The following PKHD1L1 variants were observed in gnomAD, a reference collection of about 807,000 sequenced individuals.
The protein encoded by PKHD1L1 is fibrocystin-L.
Under a neutral mutation model 462.9 loss-of-function variants are expected in PKHD1L1, and 434 were observed. The observed-to-expected ratio is 0.94, with a 90% confidence interval of 0.87 to 1.02. The LOEUF is 1.02. Ranked by LOEUF, PKHD1L1 falls within the 50% of genes least tolerant of loss-of-function variation. The pLI is 0.00. For missense variants in PKHD1L1, 5,202 were observed against 5,096.1 expected (o/e 1.02, Z -0.63); for synonymous variants, 1,781 against 1,750.0 (o/e 1.02, Z -0.44).
chr8:109,414,627 T>C (rs1454694899), intron 21 of PKHD1L1, among the ~76,000 whole-genome samples: 1 of 152,126 alleles, frequency 6.6e-6, no homozygotes, highest in Non-Finnish European at 1.5e-5. Context: ...TATTCTATTA[T>C]AATAAGACAT....
intron 5 of PKHD1L1, among the ~76,000 whole-genome samples, chr8:109,385,098 T>C (rs1812367216): frequency 6.6e-6 from 1 of 151,836 alleles, no homozygotes; most frequent in African/African-American, 2.4e-5. Flanking sequence ...CATTTTTAAA[T>C]AGCATTTAAA....
chr8:109,408,213 T>C lies in PKHD1L1; in HGVS notation c.1971+7T>C. ...ATGGTCATCAGAAGCTGAAGTACGG[T>C]GTAGGAATGTTTCTACCACGCATTT... On this transcript the variant is annotated splice_region_variant and intron_variant, in intron 18 of 77. Coordinates refer to ENST00000378402, the MANE Select transcript of PKHD1L1 (RefSeq NM_177531.6). 6.2e-7 allele frequency: 1 copy of C among 1,607,344 alleles called. No individual in the cohort carries two copies. Among genetic ancestry groups the C allele is most frequent in the Admixed American group, 1.7e-5 (1 of 59,498 alleles).
Position 109,428,834 on chromosome 8 carries a change from C to A in PKHD1L1, c.3001-506C>A, listed in dbSNP as rs1234980257. Among the ~76,000 whole-genome samples the A allele has an allele frequency of 2.0e-5, 3 of 152,234 alleles. No homozygotes were observed. The East Asian group carries it at 5.8e-4, about 29-fold the overall frequency. On this transcript the variant is annotated intron_variant, in intron 25 of 77. Coordinates refer to ENST00000378402, the MANE Select transcript of PKHD1L1 (RefSeq NM_177531.6). ...TTTTGTAAAGAACAAATTGTATATACTGATTTAACTTGGCTTTATTTTTAC... is the reference window on the plus strand; with the variant it reads ...TTTTGTAAAGAACAAATTGTATATAATGATTTAACTTGGCTTTATTTTTAC...
At chr8:109,449,241 C>G (rs1816344190) in intron 39 of PKHD1L1, 97 bp from the exon 40 acceptor site, 1 of 1,221,476 alleles carries the variant, frequency 8.2e-7, no homozygotes, top group Middle Eastern at 2.2e-4. Context: ...TTTAATGTAA[C>G]TTACTTTTAA....
intron 2 of PKHD1L1, among the ~76,000 whole-genome samples, chr8:109,379,149 G>A (rs1274907660): frequency 6.6e-6 from 1 of 152,112 alleles, no homozygotes; most frequent in African/African-American, 2.4e-5. Flanking sequence ...GACCAACACT[G>A]AGCTCTCAAT....
intron 71 of PKHD1L1, among the ~76,000 whole-genome samples, chr8:109,512,924 T>C (rs1207352134): frequency 2.0e-5 from 3 of 152,070 alleles, no homozygotes; most frequent in African/African-American, 4.8e-5. Context: ...CCCTTGTAAG[T>C]TGGATTCCTA....
intron 59 of PKHD1L1, among the ~76,000 whole-genome samples, chr8:109,487,951 A>G (rs1461027005): frequency 6.6e-6 from 1 of 151,724 alleles, no homozygotes; most frequent in Non-Finnish European, 1.5e-5. Flanking sequence ...GAAAGAAGGA[A>G]GGAAGGAAGG....
chr8:109,485,845 G>A (rs1159355065), intron 58 of PKHD1L1, among the ~76,000 whole-genome samples: 1 of 151,844 alleles, frequency 6.6e-6, no homozygotes, highest in Non-Finnish European at 1.5e-5. Context: ...TCTCAAAGCA[G>A]TACTTTAATA....
intron 50 of PKHD1L1, 85 bp from the exon 51 acceptor site, chr8:109,475,033 A>G: frequency 1.5e-6 from 2 of 1,311,106 alleles, no homozygotes; most frequent in East Asian, 4.9e-5. Context: ...ACCAAACTAA[A>G]CTAACTTTTG....
At chr8:109,487,916 GGAAGGAAGGAAGGAAGGAAGGAAGGAAA>G (rs1818628348) in intron 59 of PKHD1L1, among the ~76,000 whole-genome samples, 2 of 148,612 alleles carry the variant, frequency 1.3e-5, no homozygotes, top group Non-Finnish European at 3.0e-5. Context: ...AAGGAAGGAA[GGAAGGAAGGAAGGAAGGAAGGAAGGAAA>G]GAAGGAAGGA....
rs188494605 is a variant in PKHD1L1 at position 109,466,863 on chromosome 8, C to T, written c.8605+94C>T. The T allele has an allele frequency of 1.5e-3, 1,753 of 1,164,680 alleles. 6 individuals carry two copies. Among genetic ancestry groups the T allele is most frequent in the Non-Finnish European group, 1.9e-3 (1,588 of 833,210 alleles). 72.1% of individuals were successfully genotyped at this position (1,164,680 alleles called of 1,614,324 possible). On this transcript the variant is annotated intron_variant, in intron 50 of 77. Transcript: ENST00000378402. ...TTGCATTGTTACTTGGTTGTTCAAA[C>T]ATTGCAAAAAGTATAACATTTATAT...
chr8:109,451,210 C>T, intron 41 of PKHD1L1, 61 bp downstream of exon 41: 2 of 1,491,460 alleles, frequency 1.3e-6, no homozygotes, highest in Non-Finnish European at 1.8e-6. Context: ...ATTACTCCTG[C>T]TTTCTCCTAT....
chr8:109,518,342 T>A lies in PKHD1L1; in HGVS notation c.11865T>A (p.Ser3955=), dbSNP rs1820378069. The change falls in exon 73 of 78, where the codon TCT becomes TCA. Residue 3955 remains serine, a synonymous_variant. Transcript: ENST00000378402. The part of the protein sequence containing the change: ...SVATEDDFYT[S]HNLVKNLALF... Reference sequence around the variant, plus strand: ...CAACAGAAGATGACTTTTATACCTCTCACAATCTGGTTAAAAATCTTGCCT... The same window carrying A: ...CAACAGAAGATGACTTTTATACCTCACACAATCTGGTTAAAAATCTTGCCT... 6.2e-7 allele frequency: 1 copy of A among 1,613,362 alleles called. No homozygotes were observed. Among genetic ancestry groups the A allele is most frequent in the African/African-American group, 1.3e-5 (1 of 74,898 alleles).
intron 65 of PKHD1L1, 23 bp downstream of exon 65, chr8:109,497,295 C>T (rs749151770): frequency 1.9e-6 from 3 of 1,602,518 alleles, no homozygotes; most frequent in Non-Finnish European, 2.6e-6. Context: ...TACAGCCACA[C>T]CATGGAGAAA....
chr8:109,456,228 G>C, intron 45 of PKHD1L1, 34 bp from the exon 46 acceptor site: 1 of 1,572,056 alleles, frequency 6.4e-7, no homozygotes, highest in Non-Finnish European at 8.6e-7. Context: ...TCAAACACAT[G>C]TAAGGAAATA....
In PKHD1L1 at chr8:109,452,756, C is replaced by A; in HGVS notation, c.6546C>A (p.Ser2182=). 6.5e-7 allele frequency: 1 copy of A among 1,542,296 alleles called. No individual in the cohort carries two copies. The highest frequency in any genetic ancestry group is 2.1e-5 in the Admixed American group (1 of 47,756). Residue 2182 remains serine (S), a synonymous_variant, in exon 43 of 78, where the codon TCC becomes TCA. Transcript: ENST00000378402. ...ADFLYVDAWS[S]NFSWGGKSPP... ...TTCTTTATGTTGATGCCTGGTCCTCCAATTTCTCATGGGGGGGAAAATCTC... is the reference window on the plus strand; with the variant it reads ...TTCTTTATGTTGATGCCTGGTCCTCAAATTTCTCATGGGGGGGAAAATCTC...
intron 32 of PKHD1L1, among the ~76,000 whole-genome samples, chr8:109,439,375 T>C (rs1419980617): frequency 6.6e-6 from 1 of 152,146 alleles, no homozygotes; most frequent in Non-Finnish European, 1.5e-5. Context: ...ATCAAGTAAC[T>C]TCTAGGGGCT....
intron 9 of PKHD1L1, 99 bp from the exon 10 acceptor site, chr8:109,394,316 T>C: frequency 3.0e-6 from 2 of 675,652 alleles, no homozygotes; most frequent in Non-Finnish European, 4.8e-6. Context: ...TCCATCGTGC[T>C]CTTTTGCAGA....
chr8:109,456,854 A>C (rs1816853801), intron 46 of PKHD1L1, among the ~76,000 whole-genome samples: 2 of 152,174 alleles, frequency 1.3e-5, no homozygotes, highest in Admixed American at 1.3e-4. Flanking sequence ...GCCTTAGCAA[A>C]TGGTTCCCAC....
Sources: allele counts gnomAD v4.1 joint callset (sites outside exome capture counted in the v4.1 genomes callset), GRCh38; gene constraint gnomAD v4.1.1; transcripts MANE v1.5; gene names NCBI Gene and HGNC (gene_info 2026-07-23, HGNC 2026-07-21).